The following SLC4A4 variants were observed in gnomAD, a reference collection of about 807,000 sequenced individuals.
SLC4A4 encodes electrogenic sodium bicarbonate cotransporter 1.
Under a neutral mutation model 111.5 loss-of-function variants are expected in SLC4A4, and 27 were observed. The observed-to-expected ratio is 0.24, with a 90% CI of 0.18 to 0.33. SLC4A4 has a LOEUF of 0.33. SLC4A4 is among the 10% of genes least tolerant of loss of function. The pLI is 1.00. For missense variants in SLC4A4, 909 were observed against 1,315.5 expected (o/e 0.69, Z 4.78); for synonymous variants, 443 against 463.4 (o/e 0.96, Z 0.57).
chr4:71,492,522 C>T (rs1479821506), intron 15 of SLC4A4, among the ~76,000 whole-genome samples: 1 of 151,896 alleles, frequency 6.6e-6, no homozygotes, highest in East Asian at 1.9e-4. Context: ...CCCCCAGTAC[C>T]CATTTACCTA....
At chr4:71,278,373 T>A (rs1371740548) in intron 3 of SLC4A4, among the ~76,000 whole-genome samples, 1 of 152,224 alleles carries the variant, frequency 6.6e-6, no homozygotes, top group Non-Finnish European at 1.5e-5. Flanking sequence ...GTGTCTTAGA[T>A]ATTGTGAATA....
chr4:71,153,211 A>T (rs942912507), intron 2 of SLC4A4, among the ~76,000 whole-genome samples: 7 of 151,840 alleles, frequency 4.6e-5, no homozygotes, highest in African/African-American at 1.7e-4. Context: ...GTACAGGAGA[A>T]AGATGTAGGC....
intron 2 of SLC4A4, among the ~76,000 whole-genome samples, chr4:71,107,551 T>A (rs1480317642): frequency 6.6e-6 from 1 of 152,086 alleles, no homozygotes; most frequent in Non-Finnish European, 1.5e-5. Context: ...GGTTTCACCA[T>A]GTTGGCCAGG....
At chr4:71,209,276 T>C (rs1447076176) in intron 1 of SLC4A4, among the ~76,000 whole-genome samples, 1 of 152,214 alleles carries the variant, frequency 6.6e-6, no homozygotes, top group East Asian at 1.9e-4. Context: ...TAGTCATCTA[T>C]TGAGCACTCT....
At chr4:71,408,873 A>G (rs1721108065) in intron 7 of SLC4A4, among the ~76,000 whole-genome samples, 3 of 152,194 alleles carry the variant, frequency 2.0e-5, no homozygotes, top group Admixed American at 2.0e-4. Context: ...TATCTCCCAG[A>G]ATTCCCACAT....
At chr4:71,433,356 G>A (rs539571813) in intron 7 of SLC4A4, among the ~76,000 whole-genome samples, 21 of 151,512 alleles carry the variant, frequency 1.4e-4, no homozygotes, top group Non-Finnish European at 2.4e-4. Flanking sequence ...TTTGGATATT[G>A]TCTCTTTTCA....
chr4:71,536,449 C>CATATATAAATATATATATATAT, intron 18 of SLC4A4, among the ~76,000 whole-genome samples: 1 of 4,850 alleles, frequency 2.1e-4, no homozygotes, highest in East Asian at 9.8e-3. Flanking sequence ...AGCATATATA[C>CATATATAAATATATATATATAT]ATATATACAT....
intron 23 of SLC4A4, among the ~76,000 whole-genome samples, chr4:71,563,396 A>G (rs988106097): frequency 2.0e-5 from 3 of 151,818 alleles, no homozygotes; most frequent in African/African-American, 7.2e-5. Context: ...CGGAATCAGC[A>G]TAAACAAAAC....
chr4:71,292,849 T>TTG (rs1724475185), intron 3 of SLC4A4, among the ~76,000 whole-genome samples: 3 of 144,012 alleles, frequency 2.1e-5, no homozygotes, highest in African/African-American at 5.2e-5. Flanking sequence ...TTTGTTTTTT[T>TTG]TTTTTTTTTT....
At chr4:71,478,541 A>C (rs1728576347) in intron 14 of SLC4A4, among the ~76,000 whole-genome samples, 1 of 151,768 alleles carries the variant, frequency 6.6e-6, no homozygotes, top group Non-Finnish European at 1.5e-5. Context: ...TCTCTCTCAT[A>C]AGTGGGAATT....
At position 71,352,363 on chromosome 4, in the gene SLC4A4, T is replaced by TA. The variant is rs199984159; in HGVS notation, c.550+2299dup. Reference sequence around the variant, plus strand: ...AGGGTCACCAGGAAGAGTCCCTTATTAAAAAAAACACAATTTTTTACCATA... The same window carrying TA: ...AGGGTCACCAGGAAGAGTCCCTTATTAAAAAAAAACACAATTTTTTACCATA... On this transcript the variant is annotated intron_variant, in intron 5 of 25. Transcript: ENST00000264485. 3.6e-3 allele frequency among the ~76,000 whole-genome samples: 540 copies of TA among 151,970 alleles called. 4 individuals are homozygous for TA. The highest frequency in any genetic ancestry group is 0.012 in the African/African-American group (500 of 41,458).
At chr4:71,178,655 G>A (rs529970989) in intron 2 of SLC4A4, among the ~76,000 whole-genome samples, 30 of 152,276 alleles carry the variant, frequency 2.0e-4, no homozygotes, top group African/African-American at 7.2e-4. Flanking sequence ...ACTAAACCAG[G>A]AAGAAGTTGA....
chr4:71,455,520 G>C (rs1456419377), intron 12 of SLC4A4, among the ~76,000 whole-genome samples: 1 of 152,072 alleles, frequency 6.6e-6, no homozygotes, highest in African/African-American at 2.4e-5. Context: ...ATGGCACTGG[G>C]GAAACACCCT....
intron 16 of SLC4A4, among the ~76,000 whole-genome samples, chr4:71,512,851 G>T (rs1003676735): frequency 6.6e-6 from 1 of 152,092 alleles, no homozygotes; most frequent in Non-Finnish European, 1.5e-5. Context: ...TCTGGATGTG[G>T]GTATCCAATT....
intron 2 of SLC4A4, among the ~76,000 whole-genome samples, chr4:71,245,560 TG>T (rs943569041): frequency 3.9e-5 from 6 of 152,086 alleles, no homozygotes; most frequent in Admixed American, 3.3e-4. Context: ...TTTTGTAAGA[TG>T]GGGAACAGTG....
At chr4:71,498,064 G>A (rs1048307471) in intron 16 of SLC4A4, among the ~76,000 whole-genome samples, 1 of 152,130 alleles carries the variant, frequency 6.6e-6, no homozygotes, top group Non-Finnish European at 1.5e-5. Flanking sequence ...TTTCCATGGT[G>A]TAGAATTTCT....
chr4:71,222,252 T>C (rs1718789716), intron 1 of SLC4A4, among the ~76,000 whole-genome samples: 1 of 152,196 alleles, frequency 6.6e-6, no homozygotes, highest in Non-Finnish European at 1.5e-5. Flanking sequence ...GTTCCAGTAA[T>C]CTTCCTGGCT....
chr4:71,340,913 G>T lies in SLC4A4; in HGVS notation c.389+1408G>T, dbSNP rs79677884. ...GTTAAGCATTACACAAATACCTGGG[G>T]TTTCATTAATCTCATAACAGAGCTT... On this transcript the variant is annotated intron_variant, in intron 4 of 25. Transcript: ENST00000264485. Among the ~76,000 whole-genome samples, 1,232 of 152,080 alleles carry T rather than the reference G, an allele frequency of 8.1e-3. 8 individuals are homozygous for T. Among genetic ancestry groups the T allele is most frequent in the Middle Eastern group, 0.024 (7 of 294 alleles).
chr4:71,209,722 T>A (rs1295067523), intron 1 of SLC4A4, among the ~76,000 whole-genome samples: 4 of 152,142 alleles, frequency 2.6e-5, no homozygotes, highest in Non-Finnish European at 4.4e-5. Context: ...ACTTCCTGAG[T>A]ATTGTGAGAA....
Sources: allele counts gnomAD v4.1 joint callset (sites outside exome capture counted in the v4.1 genomes callset), GRCh38; gene constraint gnomAD v4.1.1; transcripts MANE v1.5; gene names NCBI Gene and HGNC (gene_info 2026-07-23, HGNC 2026-07-21).